The following EIF4E3 variants were observed in gnomAD, a reference collection of about 807,000 sequenced individuals.
EIF4E3 encodes eukaryotic translation initiation factor 4E family member 3.
A neutral mutation model predicts 31.7 loss-of-function variants in EIF4E3; 26 were observed. The observed-to-expected ratio is 0.82, with a 90% CI of 0.60 to 1.14. EIF4E3 has a LOEUF of 1.14. EIF4E3 is among the 50% of genes most tolerant of loss of function. The pLI is 0.00. For missense variants in EIF4E3, 304 were observed against 270.9 expected, an observed-to-expected ratio of 1.12 and a Z score of -0.86; for synonymous variants, 128 against 107.7, an observed-to-expected ratio of 1.19 and a Z score of -1.17.
At chr3:71,710,616 T>C (rs1187681528) in intron 1 of EIF4E3, 132 bp from the exon 2 acceptor site, 5 of 790,598 alleles carry the variant, frequency 6.3e-6, no homozygotes, top group South Asian at 3.7e-5. Flanking sequence ...ATTTTGGGGA[T>C]GCTAGTTGGA....
intron 1 of EIF4E3, among the ~76,000 whole-genome samples, chr3:71,713,313 C>A (rs956281412): frequency 6.6e-6 from 1 of 152,216 alleles, no homozygotes; most frequent in African/African-American, 2.4e-5. Flanking sequence ...TCCTGCTCTT[C>A]ATCCCTCACT....
chr3:71,727,677 T>C (rs982510726), upstream of EIF4E3, among the ~76,000 whole-genome samples: 2 of 152,236 alleles, frequency 1.3e-5, no homozygotes, highest in Non-Finnish European at 1.5e-5. Context: ...AATTTATATA[T>C]AGCTGATATA....
chr3:71,707,796 C>G (rs1023815242), intron 2 of EIF4E3, among the ~76,000 whole-genome samples: 10 of 152,120 alleles, frequency 6.6e-5, no homozygotes, highest in Admixed American at 2.6e-4. Context: ...TGAGAATGTG[C>G]AGCCCACAGA....
chr3:71,753,742 TAGG>T (rs1275645329), upstream of EIF4E3: 2 of 142,254 alleles, frequency 1.4e-5, no homozygotes, highest in African/African-American at 5.3e-5. Context: ...AGCGGAGGAG[TAGG>T]AGGAGACGGA....
chr3:71,714,301 G>C (rs2321975), intron 1 of EIF4E3, among the ~76,000 whole-genome samples: 8,012 of 93,524 alleles, frequency 0.086, 275 homozygotes, highest in East Asian at 0.22. Flanking sequence ...AAGGAAGGAA[G>C]GAACGAAAGA....
At chr3:71,699,554 T>C (rs921493275) in intron 3 of EIF4E3, 60 bp downstream of exon 3, 2 of 1,424,736 alleles carry the variant, frequency 1.4e-6, no homozygotes, top group Admixed American at 1.7e-5. Context: ...TATGATCTTT[T>C]ATGAGGTTCA....
chr3:71,743,579 A>G (rs1002011745), intron 1 of EIF4E3, among the ~76,000 whole-genome samples: 10 of 152,134 alleles, frequency 6.6e-5, no homozygotes, highest in African/African-American at 2.4e-4. Context: ...CCCAATTAAT[A>G]TCCCAGTAGG....
At chr3:71,664,733 G>T in the EIF4E3 span, among the ~76,000 whole-genome samples, 1 of 152,118 alleles carries the variant, frequency 6.6e-6, no homozygotes, top group African/African-American at 2.4e-5. Context: ...AAAGTAGCTG[G>T]GTGTGGTGGT....
At chr3:71,724,248 C>T (rs1448784235) in intron 1 of EIF4E3, among the ~76,000 whole-genome samples, 1 of 152,174 alleles carries the variant, frequency 6.6e-6, no homozygotes, top group Admixed American at 6.5e-5. Context: ...TCATTCATAA[C>T]AATTTCTGGT....
chr3:71,693,916 A>C lies in EIF4E3; in HGVS notation c.431T>G (p.Leu144Ter). 6.3e-7 allele frequency: 1 copy of C among 1,586,484 alleles called. No homozygotes were observed. Among genetic ancestry groups the C allele is most frequent in the Non-Finnish European group, 8.6e-7 (1 of 1,166,092 alleles). Residue 144 changes from leucine (L) to a stop codon, truncating the protein, a stop_gained, in exon 5 of 7, where the codon TTA (leucine) becomes TGA (stop). Transcript: ENST00000425534. LOFTEE classifies it high-confidence loss of function. Reference protein sequence around the residue: ...STSTVWKELLLATIGEQFTDC... With the variant: ...STSTVWKELL ...TGTGAACTGTTCCCCGATGGTTGCT[A>C]ACAGCAACTCTTTCCAAACTGTGGA... is the stretch of plus-strand genomic sequence containing the variant.
chr3:71,687,130 A>G (rs570175150), intron 6 of EIF4E3, among the ~76,000 whole-genome samples: 41 of 152,278 alleles, frequency 2.7e-4, no homozygotes, highest in Admixed American at 1.4e-3. Context: ...TCTCCCAAGT[A>G]GCTGGGATTA....
rs544983539 is a variant in EIF4E3, at chr3:71,679,209, T to C, written c.*5473A>G. On this transcript the variant is annotated 3_prime_UTR_variant, in exon 7 of 7. Transcript: ENST00000425534. ...TTAAAATTTTCACCCTAAGCCTTCA[T>C]TAAAAGTTGCTTATTTGTATGTGAA... 6.6e-5 allele frequency: 10 copies of C among 152,306 alleles called. No individual in the cohort carries two copies. The South Asian group carries it at 2.1e-3, about 32-fold the overall frequency. 9.4% of individuals were successfully genotyped at this position (152,306 alleles called of 1,614,324 possible).
chr3:71,701,428 A>G (rs1315061532), intron 2 of EIF4E3, among the ~76,000 whole-genome samples: 2 of 152,152 alleles, frequency 1.3e-5, no homozygotes, highest in Non-Finnish European at 2.9e-5. Context: ...TAGGATTAGG[A>G]TGAGGATTGA....
At chr3:71,691,432 T>A (rs1410407897) in intron 5 of EIF4E3, among the ~76,000 whole-genome samples, 1 of 152,228 alleles carries the variant, frequency 6.6e-6, no homozygotes, top group Non-Finnish European at 1.5e-5. Flanking sequence ...TTTTCTTTTT[T>A]AAAATGAATT....
chr3:71,716,038 C>T (rs2049459240), intron 1 of EIF4E3, among the ~76,000 whole-genome samples: 1 of 152,132 alleles, frequency 6.6e-6, no homozygotes, highest in African/African-American at 2.4e-5. Flanking sequence ...GTGTCATATC[C>T]CTCCGTGGGC....
intron 1 of EIF4E3, among the ~76,000 whole-genome samples, chr3:71,723,809 GCT>G (rs751945895): frequency 1.3e-5 from 2 of 152,110 alleles, no homozygotes; most frequent in African/African-American, 2.4e-5. Context: ...ACAGTATAAT[GCT>G]CTCTTAGCAT....
At chr3:71,726,000 G>T (rs1285865720), upstream of EIF4E3, among the ~76,000 whole-genome samples, 1 of 152,154 alleles carries the variant, frequency 6.6e-6, no homozygotes, top group African/African-American at 2.4e-5. This position sits in a 1 kb window ranked among gnomAD's most constrained non-coding sequence, Gnocchi z 6.1. Flanking sequence ...TCCAGTGCCC[G>T]CGAGTACAGA....
intron 2 of EIF4E3, among the ~76,000 whole-genome samples, chr3:71,700,367 T>C (rs2049198411): frequency 6.6e-6 from 1 of 152,150 alleles, no homozygotes; most frequent in Non-Finnish European, 1.5e-5. Flanking sequence ...AAGCCTTTAG[T>C]ACTGAATATA....
At chr3:71,670,752 A>C (rs958945711), downstream of EIF4E3, among the ~76,000 whole-genome samples, 1 of 152,154 alleles carries the variant, frequency 6.6e-6, no homozygotes, top group African/African-American at 2.4e-5. Context: ...TACTATCAAG[A>C]TCTATCCATG....
Sources: allele counts gnomAD v4.1 joint callset (sites outside exome capture counted in the v4.1 genomes callset), GRCh38; gene constraint gnomAD v4.1.1; non-coding constraint Gnocchi (gnomAD v3.1); transcripts MANE v1.5; gene names NCBI Gene and HGNC (gene_info 2026-07-23, HGNC 2026-07-21).